The following SLC35E2B variants were observed in gnomAD, a reference collection of about 807,000 sequenced individuals.
The protein encoded by SLC35E2B is solute carrier family 35 member E2B, also known as solute carrier family 35, member E2B.
SLC35E2B carries 18 observed loss-of-function variants against 32.4 expected under a neutral mutation model. The ratio of observed to expected loss-of-function variants is 0.56; its 90% CI spans 0.38 to 0.82. The LOEUF is 0.82. SLC35E2B is among the 40% of genes least tolerant of loss of function. The probability of loss-of-function intolerance (pLI) is 0.00; values close to 1 mark genes in which losing one functional copy is unlikely to be tolerated. For synonymous variants in SLC35E2B, 132 were observed against 209.1 expected, an observed-to-expected ratio of 0.63 and a Z score of 3.18; for missense variants, 263 against 469.5, an observed-to-expected ratio of 0.56 and a Z score of 4.06.
chr1:1,672,483 G>T (rs1399484776), intron 5 of SLC35E2B: 1 of 152,236 alleles, frequency 6.6e-6, no homozygotes, highest in Admixed American at 6.5e-5. Flanking sequence ...CTCGTCTGCC[G>T]TCACCTGGTC....
At position 1,662,815 on chromosome 1, in the gene SLC35E2B, G is replaced by A. The variant is rs1464869727; in HGVS notation, c.*2967C>T. 1 of 809,086 alleles carries A rather than the reference G, an allele frequency of 1.2e-6. No individual in the cohort carries two copies. The allele number at this position is 809,086 out of a possible 1,614,324, so 50.1% of individuals were successfully genotyped here. A position where few individuals can be genotyped will look rare whatever the true frequency, so the allele number is the denominator to read the frequency against. Reference sequence around the variant, plus strand: ...TGTTCTGTTCGTTTACAAAAGCACAGACCACGACCATGGACACACCCAGTG... The same window carrying A: ...TGTTCTGTTCGTTTACAAAAGCACAAACCACGACCATGGACACACCCAGTG... On this transcript the variant is annotated 3_prime_UTR_variant, in exon 10 of 10. Transcript: ENST00000617444.
intron 9 of SLC35E2B, among the ~76,000 whole-genome samples, chr1:1,667,541 G>A (rs1325550844): frequency 6.6e-6 from 1 of 152,192 alleles, no homozygotes; most frequent in African/African-American, 2.4e-5. Context: ...GCACGGCACA[G>A]GAAGCAGTGG....
chr1:1,666,056 G>C, intron 9 of SLC35E2B, 37 bp from the exon 10 acceptor site: 1 of 1,533,644 alleles, frequency 6.5e-7, no homozygotes, highest in Non-Finnish European at 8.8e-7. Flanking sequence ...GGCGCTCAGG[G>C]CTATGGTCTC....
At chr1:1,672,820 G>C (rs184778259) in intron 5 of SLC35E2B, 1 of 152,860 alleles carries the variant, frequency 6.5e-6, no homozygotes, top group African/African-American at 2.4e-5. Context: ...TGGGCTGCCA[G>C]AGGCACCGGA....
rs545383013 is a variant in SLC35E2B, at chr1:1,689,581, T to A, written c.-148+1395A>T. Among the ~76,000 whole-genome samples, 10 of 151,662 alleles carry A rather than the reference T, an allele frequency of 6.6e-5. No individual in the cohort carries two copies. In the South Asian group the frequency reaches 2.1e-3, roughly 32 times the overall value. ...ATATAAGAGAATGTCTTCCTGACCC[T>A]TTTTGGGGTAGGACAATAATTTCTC... On this transcript the variant is annotated intron_variant, in intron 2 of 9. Coordinates refer to ENST00000617444, the MANE Select transcript of SLC35E2B (RefSeq NM_001290264.2).
chr1:1,688,778 C>T (rs1180766523), intron 2 of SLC35E2B, among the ~76,000 whole-genome samples: 1 of 152,112 alleles, frequency 6.6e-6, no homozygotes, highest in Non-Finnish European at 1.5e-5. Context: ...GAGACGGAGG[C>T]GCAGGGAGGG....
At chr1:1,666,159 C>T (rs1415758396) in intron 9 of SLC35E2B, 140 bp from the exon 10 acceptor site, 73 of 1,065,134 alleles carry the variant, frequency 6.9e-5, no homozygotes, top group Middle Eastern at 3.1e-4. Context: ...GCCCTGCGGC[C>T]AGCAGCTCGG....
Position 1,670,162 on chromosome 1 carries a change from GA to G in SLC35E2B, c.708-12del, listed in dbSNP as rs1224925170. The G allele has an allele frequency of 6.5e-7, 1 of 1,547,490 alleles. No individual in the cohort carries two copies. Among genetic ancestry groups the G allele is most frequent in the Admixed American group, 2.0e-5 (1 of 50,986 alleles). Reference sequence around the variant, plus strand: ...AAAACATTTTGCAAACTAGAATAAAGAAAAGAGGTTATGCATCAATACTAGT... The same window carrying G: ...AAAACATTTTGCAAACTAGAATAAAGAAAGAGGTTATGCATCAATACTAGT... On this transcript the variant is annotated splice_polypyrimidine_tract_variant and intron_variant, in intron 6 of 9. Transcript: ENST00000617444.
At chr1:1,677,353 T>C (rs1400056163) in intron 2 of SLC35E2B, among the ~76,000 whole-genome samples, 2 of 151,322 alleles carry the variant, frequency 1.3e-5, no homozygotes, top group Non-Finnish European at 2.9e-5. Flanking sequence ...CACACTTGAC[T>C]GTCGTCCTGG....
rs1218130729 is a variant in SLC35E2B, at chr1:1,663,130, C to T, written c.*2652G>A. 9 of 950,758 alleles carry T rather than the reference C, an allele frequency of 9.5e-6. No homozygotes were observed. In the African/African-American group the frequency reaches 1.4e-4, roughly 15 times the overall value. 58.9% of individuals were successfully genotyped at this position (950,758 alleles called of 1,614,324 possible). A position where few individuals can be genotyped will look rare whatever the true frequency, so the allele number is the denominator to read the frequency against. On this transcript the variant is annotated 3_prime_UTR_variant, in exon 10 of 10. Coordinates refer to ENST00000617444, the MANE Select transcript of SLC35E2B (RefSeq NM_001290264.2). ...CTGGCTGCCTCATGGGCTCCAGGCTCCTTCTGCCAGGATGAGGAAGAGGCC... is the reference window on the plus strand; with the variant it reads ...CTGGCTGCCTCATGGGCTCCAGGCTTCTTCTGCCAGGATGAGGAAGAGGCC...
intron 1 of SLC35E2B, among the ~76,000 whole-genome samples, chr1:1,692,150 TTTG>T (rs1248951884): frequency 0.016 from 1,870 of 116,560 alleles, 6 homozygotes; most frequent in African/African-American, 0.061. Context: ...TTTGTGTTTT[TTTG>T]TTGTTGTTGT....
intron 2 of SLC35E2B, among the ~76,000 whole-genome samples, chr1:1,689,802 C>G (rs1643997804): frequency 6.6e-6 from 1 of 151,048 alleles, no homozygotes; most frequent in Admixed American, 6.6e-5. Flanking sequence ...GCCTGACCAA[C>G]ATGGTGAAAC....
At chr1:1,687,420 T>C (rs1216157907) in intron 2 of SLC35E2B, among the ~76,000 whole-genome samples, 3 of 150,810 alleles carry the variant, frequency 2.0e-5, no homozygotes, top group Non-Finnish European at 4.4e-5. Context: ...CTACTAAAAA[T>C]ACAAAAAATT....
chr1:1,676,839 A>G lies in SLC35E2B; in HGVS notation c.-140T>C. ...GGGCCTCTCCCAGGCAAAGCGCAGA[A>G]GCAGACGCTAAAATATTAAGAAAAG... On this transcript the variant is annotated 5_prime_UTR_variant, in exon 3 of 10. Transcript: ENST00000617444. 8.1e-6 allele frequency: 12 copies of G among 1,485,052 alleles called. No homozygotes were observed. The highest frequency in any genetic ancestry group is 1.1e-5 in the Non-Finnish European group (12 of 1,123,322). 92.0% of individuals were successfully genotyped at this position (1,485,052 alleles called of 1,614,324 possible).
intron 2 of SLC35E2B, among the ~76,000 whole-genome samples, chr1:1,689,986 C>CAA (rs763440072): frequency 6.4e-4 from 54 of 84,722 alleles, no homozygotes; most frequent in Admixed American, 1.7e-3. Flanking sequence ...GACCCTGTCT[C>CAA]AAAAAAAAAA....
rs1219307979 is a variant in SLC35E2B, at chr1:1,664,433, C to G, written c.*1349G>C. The G allele has an allele frequency of 1.1e-6, 1 of 870,098 alleles. No homozygotes were observed. Among genetic ancestry groups the G allele is most frequent in the Non-Finnish European group, 1.4e-6 (1 of 724,720 alleles). 53.9% of individuals were successfully genotyped at this position (870,098 alleles called of 1,614,324 possible). ...ATGAGACTCGGGACCACTGGAGCCC[C>G]ATGCTGCCTCTGACAAGCCCTGGAG... On this transcript the variant is annotated 3_prime_UTR_variant, in exon 10 of 10. Transcript: ENST00000617444.
Position 1,664,361 on chromosome 1 carries a change from C to T in SLC35E2B, c.*1421G>A. ...CCAGGTGAGAAGCCAAATGGAAAGC[C>T]AGTGAAGTGACCATGGGTGCCAAAG... On this transcript the variant is annotated 3_prime_UTR_variant, in exon 10 of 10. Transcript: ENST00000617444. 2 of 950,860 alleles carry T rather than the reference C, an allele frequency of 2.1e-6. No individual in the cohort carries two copies. Among genetic ancestry groups the T allele is most frequent in the South Asian group, 9.6e-5 (2 of 20,814 alleles). 58.9% of individuals were successfully genotyped at this position (950,860 alleles called of 1,614,324 possible). A position where few individuals can be genotyped will look rare whatever the true frequency, so the allele number is the denominator to read the frequency against.
At chr1:1,667,565 T>C (rs1348180007) in intron 9 of SLC35E2B, among the ~76,000 whole-genome samples, 1 of 152,142 alleles carries the variant, frequency 6.6e-6, no homozygotes, top group Non-Finnish European at 1.5e-5. Context: ...CAGGTGTCTG[T>C]TCAAGTTCAA....
chr1:1,663,901 A>C lies in SLC35E2B; in HGVS notation c.*1881T>G. 4 of 794,872 alleles carry C rather than the reference A, an allele frequency of 5.0e-6. 1 individual carries two copies. The highest frequency in any genetic ancestry group is 6.1e-6 in the Non-Finnish European group (4 of 653,100). 49.2% of individuals were successfully genotyped at this position (794,872 alleles called of 1,614,324 possible). A position where few individuals can be genotyped will look rare whatever the true frequency, so the allele number is the denominator to read the frequency against. ...ACACACAGGTCAGCGGTTTTATAGA[A>C]GCGGCTGAAGCAGGTGTAGTAGCCC... On this transcript the variant is annotated 3_prime_UTR_variant, in exon 10 of 10. Transcript: ENST00000617444.
Sources: allele counts gnomAD v4.1 joint callset (sites outside exome capture counted in the v4.1 genomes callset), GRCh38; gene constraint gnomAD v4.1.1; transcripts MANE v1.5; gene names NCBI Gene and HGNC (gene_info 2026-07-23, HGNC 2026-07-21).